ILRUN: variants seen among roughly 807,000 people sequenced by gnomAD.
The protein encoded by ILRUN is inflammation and lipid regulator with UBA-like and NBR1-like domains.
Under a neutral mutation model 33.8 loss-of-function variants are expected in ILRUN, and 3 were observed. The observed-to-expected ratio is 0.09, with a 90% CI of 0.04 to 0.23. The LOEUF (loss-of-function observed/expected upper bound fraction) is 0.23. Among genes scored for constraint, ILRUN ranks in the 10% least tolerant of loss-of-function variants. The probability of loss-of-function intolerance (pLI) is 1.00; values close to 1 mark genes in which losing one functional copy is unlikely to be tolerated. For synonymous variants in ILRUN, 124 were observed against 138.9 expected, an observed-to-expected ratio of 0.89 and a Z score of 0.75; for missense variants, 210 against 375.1, an observed-to-expected ratio of 0.56 and a Z score of 3.64.
chr6:34,647,189 T>C (rs1762577193), intron 2 of ILRUN, among the ~76,000 whole-genome samples: 1 of 152,212 alleles, frequency 6.6e-6, no homozygotes, highest in Non-Finnish European at 1.5e-5. Flanking sequence ...GTAACACATG[T>C]CCATTTTCAC....
Position 34,590,386 on chromosome 6 carries a change from T to C in ILRUN, c.*179A>G, listed in dbSNP as rs1761271305. Reference sequence around the variant, plus strand: ...ATTCCTGTGATTCAGCATTCACACATGCATACTGAGTTTACTCAAAACTAG... The same window carrying C: ...ATTCCTGTGATTCAGCATTCACACACGCATACTGAGTTTACTCAAAACTAG... On this transcript the variant is annotated 3_prime_UTR_variant, in exon 5 of 5. Transcript: ENST00000374023. 1 of 703,438 alleles carries C rather than the reference T, an allele frequency of 1.4e-6. No homozygotes were observed. Among genetic ancestry groups the C allele is most frequent in the Non-Finnish European group, 2.2e-6 (1 of 447,338 alleles). 43.6% of individuals were successfully genotyped at this position (703,438 alleles called of 1,614,324 possible). A position where few individuals can be genotyped will look rare whatever the true frequency, so the allele number is the denominator to read the frequency against.
chr6:34,638,451 T>C (rs1582068204), intron 3 of ILRUN, among the ~76,000 whole-genome samples: 1 of 152,184 alleles, frequency 6.6e-6, no homozygotes, highest in Non-Finnish European at 1.5e-5. Context: ...CTGTGGCTCA[T>C]GCCTGTAATC....
intron 1 of ILRUN, among the ~76,000 whole-genome samples, chr6:34,690,966 G>A (rs1562037084): frequency 6.6e-6 from 1 of 152,034 alleles, no homozygotes; most frequent in Non-Finnish European, 1.5e-5. Context: ...CTCACTGCAA[G>A]CTCCGCCTCC....
intron 3 of ILRUN, among the ~76,000 whole-genome samples, chr6:34,636,408 AT>A (rs3839632): frequency 2.0e-5 from 3 of 151,862 alleles, no homozygotes; most frequent in African/African-American, 7.3e-5. Flanking sequence ...CTAAAGAAAG[AT>A]TTTTTTTCAA....
intron 4 of ILRUN, 65 bp from the exon 5 acceptor site, chr6:34,590,665 G>C: frequency 8.6e-7 from 1 of 1,166,210 alleles, no homozygotes; most frequent in Non-Finnish European, 1.3e-6. Context: ...ACCAAACCAA[G>C]TGCAAGATCT....
At chr6:34,597,020 TCCTC>T (rs976721032) in intron 4 of ILRUN, among the ~76,000 whole-genome samples, 4 of 151,744 alleles carry the variant, frequency 2.6e-5, no homozygotes, top group Admixed American at 6.6e-5. Flanking sequence ...CCTCCATACA[TCCTC>T]CCTGTCAACC....
intron 3 of ILRUN, among the ~76,000 whole-genome samples, chr6:34,638,953 T>C (rs1489684265): frequency 6.6e-6 from 1 of 152,162 alleles, no homozygotes; most frequent in Non-Finnish European, 1.5e-5. Flanking sequence ...ACATCATGGA[T>C]TCTAGTATGA....
At chr6:34,653,132 CAAAAA>C (rs947213125) in intron 2 of ILRUN, among the ~76,000 whole-genome samples, 5 of 51,590 alleles carry the variant, frequency 9.7e-5, no homozygotes, top group Admixed American at 4.0e-4. Context: ...GACCTTGTCT[CAAAAA>C]AAAAAAAAAA....
At chr6:34,644,426 A>G (rs1189876518) in intron 3 of ILRUN, among the ~76,000 whole-genome samples, 1 of 152,184 alleles carries the variant, frequency 6.6e-6, no homozygotes, top group Non-Finnish European at 1.5e-5. Context: ...AAATGGGTAG[A>G]AAGACGTAAA....
rs1037797184 is a variant in ILRUN, at chr6:34,620,953, T to G, written c.512-14049A>C. ...AGGGAAGACATACACAACAAAACAG[T>G]AACTGTTTTAAAATCCATAACACTA... On this transcript the variant is annotated intron_variant, in intron 3 of 4. Coordinates refer to ENST00000374023, the MANE Select transcript of ILRUN (RefSeq NM_024294.4). 2.0e-5 allele frequency among the ~76,000 whole-genome samples: 3 copies of G among 152,224 alleles called. No individual in the cohort carries two copies. In the East Asian group the frequency reaches 5.8e-4, roughly 29 times the overall value.
intron 3 of ILRUN, among the ~76,000 whole-genome samples, chr6:34,617,590 A>G (rs752645602): frequency 6.6e-6 from 1 of 152,118 alleles, no homozygotes; most frequent in Non-Finnish European, 1.5e-5. Flanking sequence ...AAAGGGGAAA[A>G]GGCTAGAGAT....
Position 34,588,209 on chromosome 6 carries a change from C to G in ILRUN, c.*2356G>C. On this transcript the variant is annotated 3_prime_UTR_variant, in exon 5 of 5. Transcript: ENST00000374023. Reference sequence around the variant, plus strand: ...CTCATCTCGCCTCCAAGGATGTGCACAGAAATGGTTTGTTCTTGGGAAGGG... The same window carrying G: ...CTCATCTCGCCTCCAAGGATGTGCAGAGAAATGGTTTGTTCTTGGGAAGGG... The G allele has an allele frequency of 2.5e-6, 1 of 398,734 alleles. No individual in the cohort carries two copies. Among genetic ancestry groups the G allele is most frequent in the Non-Finnish European group, 4.4e-6 (1 of 226,136 alleles). The allele number at this position is 398,734 out of a possible 1,614,324, so 24.7% of individuals were successfully genotyped here.
chr6:34,625,037 T>C (rs935626901), intron 3 of ILRUN, among the ~76,000 whole-genome samples: 3 of 152,098 alleles, frequency 2.0e-5, no homozygotes, highest in Non-Finnish European at 4.4e-5. Context: ...GCAGAACAAA[T>C]AACATAGTAA....
intron 1 of ILRUN, among the ~76,000 whole-genome samples, chr6:34,673,714 C>T (rs1320144272): frequency 6.6e-6 from 1 of 152,058 alleles, no homozygotes; most frequent in African/African-American, 2.4e-5. Flanking sequence ...GCCTGTAGTT[C>T]CAGGTACTAG....
rs564417402 is a variant in ILRUN at position 34,641,326 on chromosome 6, C to T, written c.511+5275G>A. Among the ~76,000 whole-genome samples the T allele has an allele frequency of 4.7e-3, 710 of 152,220 alleles. 5 individuals carry two copies. Among genetic ancestry groups the T allele is most frequent in the Non-Finnish European group, 8.4e-3 (571 of 68,002 alleles). On this transcript the variant is annotated intron_variant, in intron 3 of 4. Coordinates refer to ENST00000374023, the MANE Select transcript of ILRUN (RefSeq NM_024294.4). ...ATGGAAGTTTATTTTTTTCCATGTG[C>T]TCATGGCTATGGTTGTATACATAAT...
chr6:34,689,731 A>G (rs1000505876), intron 1 of ILRUN, among the ~76,000 whole-genome samples: 7 of 151,776 alleles, frequency 4.6e-5, no homozygotes, highest in Admixed American at 1.3e-4. Context: ...TCATATCTAG[A>G]TTCTAATTTC....
chr6:34,613,618 G>A (rs1041048802), intron 3 of ILRUN, among the ~76,000 whole-genome samples: 2 of 152,178 alleles, frequency 1.3e-5, no homozygotes, highest in Non-Finnish European at 2.9e-5. Flanking sequence ...CCTCACTTTT[G>A]AAGATATTAT....
chr6:34,598,605 C>A (rs757359547), intron 4 of ILRUN, among the ~76,000 whole-genome samples: 1 of 152,170 alleles, frequency 6.6e-6, no homozygotes, highest in African/African-American at 2.4e-5. Flanking sequence ...CACAAGAGTG[C>A]ACAGCATCAG....
chr6:34,603,148 A>G (rs1180931487), intron 4 of ILRUN, among the ~76,000 whole-genome samples: 2 of 152,174 alleles, frequency 1.3e-5, no homozygotes, highest in African/African-American at 4.8e-5. Context: ...CTCTGGAGTT[A>G]ATCAGATCTA....
Sources: allele counts gnomAD v4.1 joint callset (sites outside exome capture counted in the v4.1 genomes callset), GRCh38; gene constraint gnomAD v4.1.1; transcripts MANE v1.5; gene names NCBI Gene and HGNC (gene_info 2026-07-23, HGNC 2026-07-21).